Variants in TSHZ2 observed in about 807,000 individuals in gnomAD.
TSHZ2 encodes the protein teashirt zinc finger homeobox 2.
A neutral mutation model predicts 74.4 loss-of-function variants in TSHZ2; 21 were observed. The observed-to-expected ratio is 0.28, with a 90% CI of 0.20 to 0.41. The LOEUF (loss-of-function observed/expected upper bound fraction) is 0.41. Ranked by LOEUF, TSHZ2 falls within the 10% of genes least tolerant of loss-of-function variation. The pLI, the probability that TSHZ2 is intolerant of heterozygous loss-of-function variation, is 1.00. For missense variants in TSHZ2, 1,244 were observed against 1,293.5 expected (o/e 0.96, Z 0.59); for synonymous variants, 540 against 515.3 (o/e 1.05, Z -0.65).
chr20:53,280,687 G>A (rs1015521094), intron 2 of TSHZ2, among the ~76,000 whole-genome samples: 1 of 146,924 alleles, frequency 6.8e-6, no homozygotes, highest in Non-Finnish European at 1.5e-5. Context: ...GTTGTTGTGT[G>A]TGGGGGTTTT....
chr20:53,155,808 A>G (rs571557473), intron 1 of TSHZ2, among the ~76,000 whole-genome samples: 1 of 152,260 alleles, frequency 6.6e-6, no homozygotes, highest in South Asian at 2.1e-4. Flanking sequence ...TTGGCCTCAA[A>G]AGACAATTAA....
chr20:53,077,183 C>T (rs528924501), intron 1 of TSHZ2, among the ~76,000 whole-genome samples: 6 of 152,068 alleles, frequency 3.9e-5, no homozygotes, highest in East Asian at 3.9e-4. Context: ...GAGGCTAAGG[C>T]GGGTGGGTCA....
At chr20:53,403,746 T>C (rs907034110) in intron 2 of TSHZ2, among the ~76,000 whole-genome samples, 1 of 152,212 alleles carries the variant, frequency 6.6e-6, no homozygotes, top group African/African-American at 2.4e-5. Flanking sequence ...AATAGTGGAT[T>C]TGTCAAACTA....
intron 1 of TSHZ2, among the ~76,000 whole-genome samples, chr20:52,975,669 T>C (rs1030629510): frequency 6.6e-6 from 1 of 152,202 alleles, no homozygotes; most frequent in Non-Finnish European, 1.5e-5. Flanking sequence ...AAAAGGATGA[T>C]TCATTTCGTA....
At chr20:53,284,047 C>G (rs1263355121) in intron 2 of TSHZ2, among the ~76,000 whole-genome samples, 1 of 152,250 alleles carries the variant, frequency 6.6e-6, no homozygotes, top group African/African-American at 2.4e-5. Context: ...TCCCAGGGCT[C>G]TTTGTCAAGT....
chr20:53,023,185 T>C (rs982187975), intron 1 of TSHZ2, among the ~76,000 whole-genome samples: 1 of 152,232 alleles, frequency 6.6e-6, no homozygotes, highest in African/African-American at 2.4e-5. Flanking sequence ...TGCTACATTT[T>C]TTGGGTGTAT....
intron 1 of TSHZ2, among the ~76,000 whole-genome samples, chr20:53,019,617 G>A (rs111909248): frequency 2.0e-5 from 3 of 152,288 alleles, no homozygotes; most frequent in African/African-American, 4.8e-5. Flanking sequence ...TGGCCTTTAC[G>A]TGAATCTACG....
intron 2 of TSHZ2, among the ~76,000 whole-genome samples, chr20:53,462,175 AC>A (rs1985397714): frequency 6.6e-6 from 1 of 152,112 alleles, no homozygotes; most frequent in Admixed American, 6.5e-5. Context: ...AATCACTTGA[AC>A]CTGGGAGGCG....
intron 1 of TSHZ2, among the ~76,000 whole-genome samples, chr20:53,038,797 G>A (rs2123088973): frequency 6.6e-6 from 1 of 151,706 alleles, no homozygotes; most frequent in South Asian, 2.1e-4. Flanking sequence ...GCAGACATAT[G>A]TATTTGTTAG....
chr20:53,449,501 G>A (rs2145778160), intron 2 of TSHZ2, among the ~76,000 whole-genome samples: 1 of 152,322 alleles, frequency 6.6e-6, no homozygotes, highest in East Asian at 1.9e-4. Flanking sequence ...TGTCCTCATT[G>A]AGTTTATGTT....
intron 1 of TSHZ2, among the ~76,000 whole-genome samples, chr20:53,187,538 G>A (rs1195229733): frequency 6.6e-6 from 1 of 152,270 alleles, no homozygotes; most frequent in East Asian, 1.9e-4. Flanking sequence ...GAAGCGAGCA[G>A]TATCATTTTG....
intron 2 of TSHZ2, chr20:53,397,788 A>T (rs879905532): frequency 2.0e-4 from 30 of 152,236 alleles, no homozygotes; most frequent in Non-Finnish European, 4.3e-4. Context: ...ATGGAATACT[A>T]CGTAGCCATA....
At chr20:53,025,548 T>G (rs998974393) in intron 1 of TSHZ2, among the ~76,000 whole-genome samples, 2 of 152,154 alleles carry the variant, frequency 1.3e-5, no homozygotes, top group East Asian at 3.9e-4. Flanking sequence ...ACATCAGCCC[T>G]CCACCTTGAT....
intron 2 of TSHZ2, among the ~76,000 whole-genome samples, chr20:53,486,553 G>T (rs1331826902): frequency 6.6e-6 from 1 of 152,112 alleles, no homozygotes; most frequent in Non-Finnish European, 1.5e-5. Flanking sequence ...GATGGAGTGT[G>T]CCTGCGGTTC....
intron 1 of TSHZ2, among the ~76,000 whole-genome samples, chr20:53,141,582 G>A (rs989766354): frequency 6.6e-6 from 1 of 152,200 alleles, no homozygotes; most frequent in African/African-American, 2.4e-5. Flanking sequence ...CTTGTTGACA[G>A]TTTCATATTT....
At chr20:53,451,995 G>A (rs1363564473) in intron 2 of TSHZ2, among the ~76,000 whole-genome samples, 2 of 152,226 alleles carry the variant, frequency 1.3e-5, no homozygotes, top group Non-Finnish European at 2.9e-5. Context: ...AGAAAGGGTA[G>A]CCTGAAAATA....
intron 1 of TSHZ2, among the ~76,000 whole-genome samples, chr20:53,194,962 A>T (rs1300575628): frequency 1.3e-5 from 2 of 152,196 alleles, no homozygotes; most frequent in African/African-American, 2.4e-5. Context: ...GTAAATTAAC[A>T]GTCCTCTCCT....
intron 2 of TSHZ2, among the ~76,000 whole-genome samples, chr20:53,434,407 C>CA (rs1983965230): frequency 2.0e-5 from 3 of 152,074 alleles, no homozygotes; most frequent in Admixed American, 2.0e-4. Context: ...AAGGTGCTGA[C>CA]AATACAATAA....
intron 1 of TSHZ2, among the ~76,000 whole-genome samples, chr20:53,201,220 C>G (rs935308694): frequency 6.6e-6 from 1 of 152,080 alleles, no homozygotes; most frequent in Non-Finnish European, 1.5e-5. Context: ...TTATCACAAA[C>G]GTAGTGGCAT....
Sources: allele counts gnomAD v4.1 joint callset (sites outside exome capture counted in the v4.1 genomes callset), GRCh38; gene constraint gnomAD v4.1.1; transcripts MANE v1.5; gene names NCBI Gene and HGNC (gene_info 2026-07-23, HGNC 2026-07-21).